Variants in ZNF398 observed in about 807,000 individuals in gnomAD.
ZNF398 encodes zinc finger protein 398.
ZNF398 carries 18 observed loss-of-function variants against 41.9 expected under a neutral mutation model. That is an observed-to-expected ratio of 0.43 (90% CI 0.30 to 0.64). The LOEUF (loss-of-function observed/expected upper bound fraction) is 0.64, where lower values mean the gene tolerates loss of function less well. Among genes scored for constraint, ZNF398 ranks in the 30% least tolerant of loss-of-function variants. ZNF398 has a pLI of 0.14. For synonymous variants in ZNF398, 260 were observed against 308.8 expected (o/e 0.84, Z 1.66); for missense variants, 669 against 822.8 (o/e 0.81, Z 2.29).
chr7:149,161,136 T>G (rs957163845), intron 2 of ZNF398, among the ~76,000 whole-genome samples: 1 of 152,148 alleles, frequency 6.6e-6, no homozygotes, highest in Non-Finnish European at 1.5e-5. Context: ...CTCCTCACCC[T>G]GTCTATCCCT....
chr7:149,179,207 C>T lies in ZNF398; in HGVS notation c.1335C>T (p.His445=), dbSNP rs1305109476. The T allele has an allele frequency of 6.2e-7, 1 of 1,613,608 alleles. No individual in the cohort carries two copies. The highest frequency in any genetic ancestry group is 1.1e-5 in the South Asian group (1 of 91,080). The part of the protein sequence containing the change: ...RFADQARLTS[H]RRAHASERPF... ...CTGACCAGGCTCGACTCACCAGCCA[C>T]CGGAGAGCTCATGCAAGCGAAAGGC... Residue 445 remains histidine (H), a synonymous_variant, in exon 6 of 6, where the codon CAC becomes CAT. Coordinates refer to ENST00000475153, the MANE Select transcript of ZNF398 (RefSeq NM_170686.3). This position sits in a 1 kb window ranked among gnomAD's most constrained non-coding sequence, Gnocchi z 6.1.
chr7:149,175,052 T>C (rs1489048304), intron 4 of ZNF398, among the ~76,000 whole-genome samples: 1 of 152,198 alleles, frequency 6.6e-6, no homozygotes, highest in African/African-American at 2.4e-5. Flanking sequence ...GCAAGGCAAC[T>C]GTTGCATATG....
At chr7:149,154,548 G>T (rs1425291754) in intron 2 of ZNF398, among the ~76,000 whole-genome samples, 1 of 152,148 alleles carries the variant, frequency 6.6e-6, no homozygotes, top group Non-Finnish European at 1.5e-5. Flanking sequence ...CCAAGATTCA[G>T]ATTGGAAACC....
At chr7:149,162,980 A>AT (rs1554464173) in intron 2 of ZNF398, among the ~76,000 whole-genome samples, 1 of 151,882 alleles carries the variant, frequency 6.6e-6, no homozygotes, top group African/African-American at 2.4e-5. Context: ...TGTCTCAAAA[A>AT]ATATATATAT....
intron 2 of ZNF398, among the ~76,000 whole-genome samples, chr7:149,159,047 C>T (rs1383451884): frequency 2.1e-4 from 31 of 149,704 alleles, no homozygotes; most frequent in Non-Finnish European, 3.4e-4. Context: ...GGCGTGATCT[C>T]GGCTCACTGC....
chr7:149,163,689 G>A (rs1795162873), intron 2 of ZNF398, among the ~76,000 whole-genome samples: 1 of 152,134 alleles, frequency 6.6e-6, no homozygotes, highest in African/African-American at 2.4e-5. Flanking sequence ...TGGTCAGGCT[G>A]GCCTCAAACT....
intron 2 of ZNF398, among the ~76,000 whole-genome samples, chr7:149,164,434 GAGAA>G (rs1324061913): frequency 2.0e-5 from 3 of 151,852 alleles, no homozygotes; most frequent in African/African-American, 4.8e-5. Flanking sequence ...AATAAAAAAA[GAGAA>G]AGAAAGAAAT....
chr7:149,127,179 A>G (rs956813455), intron 1 of ZNF398, among the ~76,000 whole-genome samples: 4 of 152,154 alleles, frequency 2.6e-5, no homozygotes, highest in Non-Finnish European at 5.9e-5. Context: ...GAGAGAGGGC[A>G]AGGAAGGGGG....
At chr7:149,171,093 CT>C (rs1320845743) in intron 4 of ZNF398, among the ~76,000 whole-genome samples, 1 of 150,948 alleles carries the variant, frequency 6.6e-6, no homozygotes, top group Non-Finnish European at 1.5e-5. Flanking sequence ...CATGATCCAC[CT>C]ACCTTGGCCT....
At chr7:149,133,654 A>AATATATATATATATATATATATAT (rs146151029) in intron 2 of ZNF398, among the ~76,000 whole-genome samples, 14 of 71,838 alleles carry the variant, frequency 1.9e-4, no homozygotes, top group Non-Finnish European at 2.2e-4. Context: ...GTGTTTTTTA[A>AATATATATATATATATATATATAT]ATATATATAT....
At position 149,127,161 on chromosome 7, in the gene ZNF398, A is replaced by G. The variant is rs77474116; in HGVS notation, c.-612+506A>G. Among the ~76,000 whole-genome samples the G allele has an allele frequency of 9.9e-3, 1,510 of 152,288 alleles. 25 individuals are homozygous for G. The highest frequency in any genetic ancestry group is 0.034 in the African/African-American group (1,416 of 41,558). ...GCAGAAGGGGAAACCAGGGAGAGAC[A>G]GAAAGGAGAGAGAGGGCAAGGAAGG... On this transcript the variant is annotated intron_variant, in intron 1 of 6. Coordinates refer to the ZNF398 transcript ENST00000426851.
chr7:149,144,418 T>C (rs1826890111), upstream of ZNF398, among the ~76,000 whole-genome samples: 1 of 151,890 alleles, frequency 6.6e-6, no homozygotes, highest in Non-Finnish European at 1.5e-5. Context: ...TCAAGTGATC[T>C]TACCTCAGCC....
chr7:149,139,211 A>ATTT (rs913752007), intron 2 of ZNF398, among the ~76,000 whole-genome samples: 111 of 146,616 alleles, frequency 7.6e-4, no homozygotes, highest in African/African-American at 2.4e-3. Flanking sequence ...CGCCCAGCCA[A>ATTT]TTTTTTTTTT....
At chr7:149,174,574 C>T (rs1445467094) in intron 4 of ZNF398, among the ~76,000 whole-genome samples, 1 of 152,058 alleles carries the variant, frequency 6.6e-6, no homozygotes, top group Non-Finnish European at 1.5e-5. Context: ...CCTATAATCC[C>T]AGCACTTTGG....
At chr7:149,172,973 A>G (rs938361922) in intron 4 of ZNF398, among the ~76,000 whole-genome samples, 6 of 152,138 alleles carry the variant, frequency 3.9e-5, no homozygotes, top group Non-Finnish European at 4.4e-5. Context: ...AATCCTAACA[A>G]TCATCTGAAC....
chr7:149,155,359 G>A (rs570596938), intron 2 of ZNF398, among the ~76,000 whole-genome samples: 132 of 152,198 alleles, frequency 8.7e-4, no homozygotes, highest in South Asian at 2.9e-3. Flanking sequence ...GACAGAGGTT[G>A]CAGTGAGCTG....
At chr7:149,147,355 C>T (rs1563156174), upstream of ZNF398, 1 of 155,410 alleles carries the variant, frequency 6.4e-6, no homozygotes, top group African/African-American at 2.4e-5. This position sits in a 1 kb window ranked among gnomAD's most constrained non-coding sequence, Gnocchi z 5.6. Context: ...GGAGGCGACG[C>T]GGGGGGCGCT....
intron 4 of ZNF398, among the ~76,000 whole-genome samples, chr7:149,172,291 T>C (rs1486908476): frequency 1.3e-5 from 2 of 152,168 alleles, no homozygotes; most frequent in African/African-American, 4.8e-5. Flanking sequence ...TTCTGAGTAG[T>C]ATGATGAAAT....
intron 2 of ZNF398, among the ~76,000 whole-genome samples, chr7:149,130,257 G>C (rs1044233125): frequency 6.6e-6 from 1 of 151,860 alleles, no homozygotes; most frequent in African/African-American, 2.4e-5. Context: ...CACCCCACCT[G>C]GCTAATTTTT....
Sources: allele counts gnomAD v4.1 joint callset (sites outside exome capture counted in the v4.1 genomes callset), GRCh38; gene constraint gnomAD v4.1.1; non-coding constraint Gnocchi (gnomAD v3.1); transcripts MANE v1.5; gene names NCBI Gene and HGNC (gene_info 2026-07-23, HGNC 2026-07-21).